C2orf49: variants seen among roughly 807,000 people sequenced by gnomAD.
C2orf49 encodes tRNA-splicing ligase complex subunit ASW.
In C2orf49, 11 loss-of-function variants were observed where a neutral mutation model predicts 20.6. That is an observed-to-expected ratio of 0.53 (90% CI 0.34 to 0.88). The LOEUF (loss-of-function observed/expected upper bound fraction) is 0.88, where lower values mean the gene tolerates loss of function less well. Among genes scored for constraint, C2orf49 ranks in the 40% least tolerant of loss-of-function variants. C2orf49 has a pLI of 0.02. For missense variants in C2orf49, 289 were observed against 274.2 expected (o/e 1.05, Z -0.38); for synonymous variants, 134 against 108.5 (o/e 1.24, Z -1.46).
chr2:105,378,127 C>T, the C2orf49 span: 1 of 471,212 alleles, frequency 2.1e-6, no homozygotes, highest in Non-Finnish European at 4.4e-6. Flanking sequence ...CCTGCACAGA[C>T]ATGGAAAAGC....
In C2orf49 at chr2:105,343,165, T is replaced by C; in HGVS notation, c.584T>C (p.Val195Ala). Residue 195 changes from valine to alanine, a missense_variant, in exon 3 of 4, where the codon GTT becomes GCT. Coordinates refer to ENST00000258457, the MANE Select transcript of C2orf49 (RefSeq NM_024093.3). ...GTGAAGTCGCCACCATTGTCCCCTG[T>C]TGGAACTACTCCAGTGAAGTTAAAG... ...GPVKSPPLSP[V>A]GTTPVKLKRA... 1.2e-6 allele frequency: 2 copies of C among 1,613,842 alleles called. No individual in the cohort carries two copies. Among genetic ancestry groups the C allele is most frequent in the Non-Finnish European group, 1.7e-6 (2 of 1,179,910 alleles).
chr2:105,352,811 C>T (rs952262186), downstream of C2orf49, among the ~76,000 whole-genome samples: 3 of 152,002 alleles, frequency 2.0e-5, no homozygotes, highest in Admixed American at 2.0e-4. Context: ...ATCTGAAGAA[C>T]ATTTAACAAT....
At chr2:105,351,969 A>G (rs563555693), downstream of C2orf49, among the ~76,000 whole-genome samples, 9 of 152,304 alleles carry the variant, frequency 5.9e-5, no homozygotes, top group South Asian at 8.3e-4. Context: ...ACTCTAATCT[A>G]TTACCATATT....
chr2:105,358,580 A>AATGCC, the C2orf49 span: 1 of 152,226 alleles, frequency 6.6e-6, no homozygotes, highest in Non-Finnish European at 1.5e-5. Flanking sequence ...CTGTGGCTCA[A>AATGCC]ATGCCACAGA....
Position 105,345,401 on chromosome 2 carries a change from G to T in C2orf49, c.*30G>T, listed in dbSNP as rs750136517. On this transcript the variant is annotated 3_prime_UTR_variant, in exon 4 of 4. Transcript: ENST00000258457. ...AAGTTTCCAAAAATGTAAATATACT[G>T]TAACTGTAGTTTTTCAAATATGTTC... 2.6e-6 allele frequency: 4 copies of T among 1,511,476 alleles called. No individual in the cohort carries two copies. The African/African-American group carries it at 5.5e-5, about 21-fold the overall frequency. 93.6% of individuals were successfully genotyped at this position (1,511,476 alleles called of 1,614,324 possible). A position where few individuals can be genotyped will look rare whatever the true frequency, so the allele number is the denominator to read the frequency against.
chr2:105,382,352 A>T, the C2orf49 span, among the ~76,000 whole-genome samples: 45 of 152,222 alleles, frequency 3.0e-4, no homozygotes, highest in Non-Finnish European at 5.7e-4. Context: ...CGAGAGTCAC[A>T]TAGACAGGGT....
rs1679790210 is a variant in C2orf49, at chr2:105,345,510, A to G, written c.*139A>G. 15 of 709,398 alleles carry G rather than the reference A, an allele frequency of 2.1e-5. No individual in the cohort carries two copies. In the South Asian group the frequency reaches 2.2e-4, roughly 10 times the overall value. The allele number at this position is 709,398 out of a possible 1,614,324, so 43.9% of individuals were successfully genotyped here. A position where few individuals can be genotyped will look rare whatever the true frequency, so the allele number is the denominator to read the frequency against. On this transcript the variant is annotated 3_prime_UTR_variant, in exon 4 of 4. Transcript: ENST00000258457. ...TCAAATAGGTTTAAAAAAATAAAGG[A>G]TTTATTTTCCTTCCCTTCTTCCCTC...
At chr2:105,351,596 A>G (rs762841396), downstream of C2orf49, among the ~76,000 whole-genome samples, 11 of 152,112 alleles carry the variant, frequency 7.2e-5, no homozygotes, top group South Asian at 2.1e-4. Flanking sequence ...TGCTTTGGCC[A>G]TTGAAAGCTC....
chr2:105,342,896 T>C lies in C2orf49; in HGVS notation c.315T>C (p.Asp105=). 1.9e-6 allele frequency: 3 copies of C among 1,614,190 alleles called. No individual in the cohort carries two copies. Among genetic ancestry groups the C allele is most frequent in the Non-Finnish European group, 2.5e-6 (3 of 1,180,030 alleles). The change falls in exon 3 of 4, where the codon GAT becomes GAC. Residue 105 remains aspartate, a synonymous_variant. Coordinates refer to ENST00000258457, the MANE Select transcript of C2orf49 (RefSeq NM_024093.3). ...GLRKRPLIVF[D]GSSTSTSIKV... is the part of the protein sequence containing the mutation. The stretch of plus-strand genomic sequence containing the variant: ...GGAAAAGACCCCTCATCGTATTTGA[T>C]GGAAGTTCAACAAGTACAAGCATAA...
downstream of C2orf49, among the ~76,000 whole-genome samples, chr2:105,350,094 C>A (rs1397277000): frequency 6.6e-6 from 1 of 152,222 alleles, no homozygotes; most frequent in Non-Finnish European, 1.5e-5. Flanking sequence ...TCACCTATCC[C>A]CCCCGGTCTA....
rs1679715485 is a variant in C2orf49 at position 105,343,086 on chromosome 2, A to G, written c.505A>G (p.Asn169Asp). Residue 169 changes from asparagine to aspartate, a missense_variant, in exon 3 of 4, where the codon AAT (asparagine) becomes GAT (aspartate). Transcript: ENST00000258457. ...PVNNKTEHNN[N>D]DAKQNHDLTH... ...GAACAATAAAACGGAACACAATAAT[A>G]ATGACGCTAAACAGAACCATGACTT... 6.2e-7 allele frequency: 1 copy of G among 1,614,130 alleles called. No homozygotes were observed. The highest frequency in any genetic ancestry group is 1.3e-5 in the African/African-American group (1 of 74,944).
At chr2:105,365,930 C>A in the C2orf49 span, among the ~76,000 whole-genome samples, 71 of 152,176 alleles carry the variant, frequency 4.7e-4, no homozygotes, top group African/African-American at 1.7e-3. Flanking sequence ...TGGGGCCAGG[C>A]ATGGTGGCTC....
chr2:105,372,066 G>A, the C2orf49 span, among the ~76,000 whole-genome samples: 1 of 152,144 alleles, frequency 6.6e-6, no homozygotes, highest in Non-Finnish European at 1.5e-5. Flanking sequence ...AACAGGGCTG[G>A]GACTGTGTCA....
chr2:105,381,490 G>A, the C2orf49 span, among the ~76,000 whole-genome samples: 14 of 152,100 alleles, frequency 9.2e-5, no homozygotes, highest in Non-Finnish European at 2.1e-4. Context: ...TGGTTCCGGG[G>A]TCCAGCCTCG....
chr2:105,343,452 A>G (rs1195072714), intron 3 of C2orf49, among the ~76,000 whole-genome samples: 1 of 152,260 alleles, frequency 6.6e-6, no homozygotes, highest in Non-Finnish European at 1.5e-5. Context: ...TCTGCTTAAA[A>G]TACGTAGAGA....
chr2:105,381,146 C>T, the C2orf49 span, among the ~76,000 whole-genome samples: 1 of 152,274 alleles, frequency 6.6e-6, no homozygotes, highest in Admixed American at 6.5e-5. Context: ...TGGCACCAAC[C>T]ATTCTTCAGA....
the C2orf49 span, among the ~76,000 whole-genome samples, chr2:105,363,920 G>A: frequency 3.9e-5 from 6 of 152,208 alleles, no homozygotes; most frequent in African/African-American, 1.4e-4. Context: ...CATCCAGGAA[G>A]TGAGGGTGAT....
chr2:105,368,153 C>T, the C2orf49 span, among the ~76,000 whole-genome samples: 3 of 152,126 alleles, frequency 2.0e-5, no homozygotes, highest in Non-Finnish European at 4.4e-5. Flanking sequence ...ATAATGAACA[C>T]CCCGTCTGGT....
the C2orf49 span, among the ~76,000 whole-genome samples, chr2:105,354,618 A>G: frequency 6.6e-6 from 1 of 152,050 alleles, no homozygotes; most frequent in South Asian, 2.1e-4. Flanking sequence ...GTGAGCCCTG[A>G]TCGCACCATT....
Sources: allele counts gnomAD v4.1 joint callset (sites outside exome capture counted in the v4.1 genomes callset), GRCh38; gene constraint gnomAD v4.1.1; transcripts MANE v1.5; gene names NCBI Gene and HGNC (gene_info 2026-07-23, HGNC 2026-07-21).